MB21D2: variants seen among roughly 807,000 people sequenced by gnomAD.
The protein encoded by MB21D2 is Mab-21 domain containing 2, also known as nucleotidyltransferase MB21D2.
A neutral mutation model predicts 33.3 loss-of-function variants in MB21D2; 9 were observed. The ratio of observed to expected loss-of-function variants is 0.27; its 90% CI spans 0.16 to 0.47. The LOEUF (loss-of-function observed/expected upper bound fraction) is 0.47, where lower values mean the gene tolerates loss of function less well. Among genes scored for constraint, MB21D2 ranks in the 20% least tolerant of loss-of-function variants. The pLI, the probability that MB21D2 is intolerant of heterozygous loss-of-function variation, is 0.99. For synonymous variants in MB21D2, 241 were observed against 236.3 expected, an observed-to-expected ratio of 1.02 and a Z score of -0.18; for missense variants, 540 against 624.6, an observed-to-expected ratio of 0.86 and a Z score of 1.44.
intron 1 of MB21D2, among the ~76,000 whole-genome samples, chr3:192,836,903 G>T (rs1413687186): frequency 6.6e-6 from 1 of 151,936 alleles, no homozygotes; most frequent in East Asian, 1.9e-4. Context: ...ACTCCAACAG[G>T]GCTCATGGGA....
intron 1 of MB21D2, among the ~76,000 whole-genome samples, chr3:192,856,686 TGG>T: frequency 1.3e-5 from 2 of 152,260 alleles, no homozygotes; most frequent in South Asian, 4.1e-4. Flanking sequence ...CCGAAGTAGC[TGG>T]ACTACAGGTG....
intron 1 of MB21D2, among the ~76,000 whole-genome samples, chr3:192,906,776 T>C (rs548571004): frequency 6.6e-6 from 1 of 152,328 alleles, no homozygotes; most frequent in Admixed American, 6.5e-5. Context: ...CTCTGTGCAC[T>C]TACATAGTAA....
intron 1 of MB21D2, among the ~76,000 whole-genome samples, chr3:192,901,971 T>C (rs1044883777): frequency 2.6e-5 from 4 of 152,334 alleles, no homozygotes; most frequent in Middle Eastern, 3.4e-3. Flanking sequence ...AAGGGCCCAA[T>C]TGGCCTTTAT....
At chr3:192,904,237 C>T (rs1577202760) in intron 1 of MB21D2, among the ~76,000 whole-genome samples, 1 of 152,182 alleles carries the variant, frequency 6.6e-6, no homozygotes, top group African/African-American at 2.4e-5. Context: ...CAGCAGGACA[C>T]CGGGTTCTAG....
Position 192,917,675 on chromosome 3 carries a change from C to A in MB21D2, c.166G>T (p.Ala56Ser). The change falls in exon 1 of 2, where the codon GCG becomes TCG. Residue 56 changes from alanine to serine, a missense_variant. Physicochemically the swap from Ala to Ser is moderately conservative, Grantham distance 99. Coordinates refer to ENST00000392452, the MANE Select transcript of MB21D2 (RefSeq NM_178496.4). Reference protein sequence around the residue: ...HDQREYDDQRALEIHTAKDFI... With the variant: ...HDQREYDDQRSLEIHTAKDFI... ...TCCTTGGCTGTGTGAATCTCCAGCGCTCTCTGGTCGTCGTATTCCCGCTGG... is the reference window on the plus strand; with the variant it reads ...TCCTTGGCTGTGTGAATCTCCAGCGATCTCTGGTCGTCGTATTCCCGCTGG... The A allele has an allele frequency of 6.2e-7, 1 of 1,614,208 alleles. No individual in the cohort carries two copies. The highest frequency in any genetic ancestry group is 8.5e-7 in the Non-Finnish European group (1 of 1,180,044).
chr3:192,820,089 A>G (rs1364528814), intron 1 of MB21D2, among the ~76,000 whole-genome samples: 3 of 152,154 alleles, frequency 2.0e-5, no homozygotes, highest in Admixed American at 1.3e-4. Context: ...CTATACATAA[A>G]TAAGTGTGTT....
At chr3:192,882,886 C>A (rs565092722) in intron 1 of MB21D2, among the ~76,000 whole-genome samples, 3 of 152,172 alleles carry the variant, frequency 2.0e-5, no homozygotes, top group Non-Finnish European at 2.9e-5. Context: ...AGGTGCCCAC[C>A]ACCACACCCA....
intron 1 of MB21D2, among the ~76,000 whole-genome samples, chr3:192,804,344 A>T (rs1186829647): frequency 1.7e-5 from 1 of 58,508 alleles, no homozygotes; most frequent in African/African-American, 6.9e-5. Context: ...CCACCCCAGT[A>T]AGTCTGTGAA....
chr3:192,832,919 C>G (rs1173953082), intron 1 of MB21D2, among the ~76,000 whole-genome samples: 1 of 152,178 alleles, frequency 6.6e-6, no homozygotes, highest in Admixed American at 6.5e-5. Context: ...AATCTTTTAT[C>G]TAAAATTTAT....
intron 1 of MB21D2, among the ~76,000 whole-genome samples, chr3:192,843,276 T>C (rs1382121146): frequency 6.6e-6 from 1 of 152,208 alleles, no homozygotes; most frequent in Non-Finnish European, 1.5e-5. Flanking sequence ...TCAGTGGAAC[T>C]ACAAAAGACA....
intron 1 of MB21D2, among the ~76,000 whole-genome samples, chr3:192,895,083 G>A (rs901999780): frequency 7.2e-5 from 11 of 152,130 alleles, no homozygotes; most frequent in African/African-American, 2.7e-4. Context: ...TGGGTTGGGG[G>A]GGAGGGGGCC....
At chr3:192,910,823 A>G (rs574424187) in intron 1 of MB21D2, among the ~76,000 whole-genome samples, 104 of 152,352 alleles carry the variant, frequency 6.8e-4, no homozygotes, top group Non-Finnish European at 1.3e-3. Context: ...GAAAACGGGC[A>G]GAATTAGGCC....
At chr3:192,849,218 G>A (rs1211886027) in intron 1 of MB21D2, among the ~76,000 whole-genome samples, 1 of 149,592 alleles carries the variant, frequency 6.7e-6, no homozygotes, top group East Asian at 2.0e-4. Context: ...CCTGTTACTC[G>A]AACCTTCCGA....
chr3:192,863,124 A>C (rs1451237162), intron 1 of MB21D2, among the ~76,000 whole-genome samples: 2 of 152,224 alleles, frequency 1.3e-5, no homozygotes, highest in Non-Finnish European at 2.9e-5. Flanking sequence ...CAATCATTAT[A>C]GAGGCAGAAA....
At chr3:192,902,356 G>A (rs575778568) in intron 1 of MB21D2, among the ~76,000 whole-genome samples, 58 of 152,294 alleles carry the variant, frequency 3.8e-4, no homozygotes, top group African/African-American at 1.3e-3. Flanking sequence ...CCAGACTGCC[G>A]ATGTCTGAAT....
chr3:192,887,031 T>C (rs1713747510), intron 1 of MB21D2, among the ~76,000 whole-genome samples: 1 of 152,016 alleles, frequency 6.6e-6, no homozygotes, highest in Non-Finnish European at 1.5e-5. Flanking sequence ...GTCCCTAGAT[T>C]CTTCACTATA....
intron 1 of MB21D2, among the ~76,000 whole-genome samples, chr3:192,878,533 C>A (rs1283921201): frequency 6.6e-6 from 1 of 152,070 alleles, no homozygotes; most frequent in Non-Finnish European, 1.5e-5. Flanking sequence ...TTTTTATAGC[C>A]CTAAAAAACA....
rs114992466 is a variant in MB21D2 at position 192,913,654 on chromosome 3, T to C, written c.211+3976A>G. Among the ~76,000 whole-genome samples, 449 of 152,176 alleles carry C rather than the reference T, an allele frequency of 3.0e-3. 2 individuals carry two copies. Among genetic ancestry groups the C allele is most frequent in the Middle Eastern group, 0.01 (3 of 294 alleles). On this transcript the variant is annotated intron_variant, in intron 1 of 1. Coordinates refer to ENST00000392452, the MANE Select transcript of MB21D2 (RefSeq NM_178496.4). ...GCCTGGGCAACATAGTGAGACTCCA[T>C]CTACACAAAAATTTTAAAAAATAAA...
chr3:192,852,561 A>T (rs140132495), intron 1 of MB21D2, among the ~76,000 whole-genome samples: 16 of 152,212 alleles, frequency 1.1e-4, no homozygotes, highest in African/African-American at 3.9e-4. Flanking sequence ...CAAGGAAAAC[A>T]GTCTCTTTAC....
Sources: allele counts gnomAD v4.1 joint callset (sites outside exome capture counted in the v4.1 genomes callset), GRCh38; gene constraint gnomAD v4.1.1; transcripts MANE v1.5; gene names NCBI Gene and HGNC (gene_info 2026-07-23, HGNC 2026-07-21).